Variants in TNIK observed in about 807,000 individuals in gnomAD.
TNIK encodes TRAF2 and NCK interacting kinase.
Under a neutral mutation model 191.3 loss-of-function variants are expected in TNIK, and 49 were observed. The ratio of observed to expected loss-of-function variants is 0.26; its 90% confidence interval spans 0.20 to 0.32. The LOEUF (loss-of-function observed/expected upper bound fraction) is 0.32. TNIK is among the 10% of genes least tolerant of loss of function. TNIK has a pLI of 1.00. For missense variants in TNIK, 1,155 were observed against 1,702.3 expected, an observed-to-expected ratio of 0.68 and a Z score of 5.66; for synonymous variants, 594 against 600.9, an observed-to-expected ratio of 0.99 and a Z score of 0.17.
intron 2 of TNIK, among the ~76,000 whole-genome samples, chr3:171,297,590 T>C (rs1752441676): frequency 6.6e-6 from 1 of 152,232 alleles, no homozygotes; most frequent in Admixed American, 6.5e-5. Flanking sequence ...AAAATATTGA[T>C]GTCTCTTTTA....
At chr3:171,415,973 C>CAAAAAAAAAAAAAAAAA (rs769531813) in intron 1 of TNIK, among the ~76,000 whole-genome samples, 7 of 12,540 alleles carry the variant, frequency 5.6e-4, no homozygotes, top group East Asian at 2.6e-3. Context: ...GAGACTGTCT[C>CAAAAAAAAAAAAAAAAA]AAAAAAAAAA....
intron 2 of TNIK, among the ~76,000 whole-genome samples, chr3:171,260,202 T>C (rs1468281004): frequency 6.6e-6 from 1 of 152,124 alleles, no homozygotes; most frequent in Non-Finnish European, 1.5e-5. Context: ...TGAAGTTTCC[T>C]CTTAGTAGGT....
chr3:171,198,842 G>A (rs1288312541), intron 4 of TNIK, among the ~76,000 whole-genome samples: 1 of 152,166 alleles, frequency 6.6e-6, no homozygotes, highest in African/African-American at 2.4e-5. Flanking sequence ...ATTTTCCCGA[G>A]TGAGCAAAAC....
chr3:171,452,291 A>G (rs1393044537), intron 1 of TNIK, among the ~76,000 whole-genome samples: 4 of 152,198 alleles, frequency 2.6e-5, no homozygotes, highest in Admixed American at 2.6e-4. Flanking sequence ...TGAGGTGCAC[A>G]GTTTGCAATC....
At chr3:171,141,626 G>A (rs1365394346) in intron 12 of TNIK, among the ~76,000 whole-genome samples, 1 of 152,122 alleles carries the variant, frequency 6.6e-6, no homozygotes, top group Admixed American at 6.5e-5. Flanking sequence ...AGCATGACTG[G>A]CATTTACCAT....
intron 25 of TNIK, among the ~76,000 whole-genome samples, chr3:171,084,685 A>T (rs552419063): frequency 2.0e-5 from 3 of 152,228 alleles, no homozygotes; most frequent in African/African-American, 7.2e-5. Flanking sequence ...ATGATTAATT[A>T]CTTGAAGAAG....
chr3:171,193,215 T>TTA (rs1176381411), intron 5 of TNIK, among the ~76,000 whole-genome samples: 7 of 152,360 alleles, frequency 4.6e-5, no homozygotes, highest in African/African-American at 1.7e-4. Flanking sequence ...ATTAGTAGCT[T>TTA]TATAATAAAT....
chr3:171,427,310 T>C, intron 1 of TNIK, among the ~76,000 whole-genome samples: 1 of 152,200 alleles, frequency 6.6e-6, no homozygotes, highest in Non-Finnish European at 1.5e-5. Context: ...ACATTCTCCT[T>C]TCCATCTCAG....
intron 21 of TNIK, among the ~76,000 whole-genome samples, chr3:171,105,884 A>G (rs948236315): frequency 1.3e-5 from 2 of 152,176 alleles, no homozygotes; most frequent in East Asian, 1.9e-4. Flanking sequence ...GAAAACTGAC[A>G]AAAGTTGTGA....
intron 4 of TNIK, among the ~76,000 whole-genome samples, chr3:171,208,838 G>A (rs1031398864): frequency 4.6e-5 from 7 of 152,102 alleles, no homozygotes; most frequent in African/African-American, 1.4e-4. Flanking sequence ...GGGATTACAG[G>A]CGTGAGCCAC....
rs1400072603 is a variant in TNIK, at chr3:171,128,802, G to T, written c.1685C>A (p.Pro562His). The change falls in exon 16 of 33, where the codon CCC (proline) becomes CAC (histidine). Residue 562 changes from proline to histidine, a missense_variant. By Grantham distance (77) the Pro-to-His change is moderately conservative. Coordinates refer to ENST00000436636, the MANE Select transcript of TNIK (RefSeq NM_015028.4). ...GGACTCCGACCTTGGGGGCAGGTTG[G>T]GGTCAGATATCCTGTTGGCAACCTT... ...PHKVANRISD[P>H]NLPPRSESFS... 2.5e-6 allele frequency: 4 copies of T among 1,608,214 alleles called. No homozygotes were observed. Among genetic ancestry groups the T allele is most frequent in the East Asian group, 2.2e-5 (1 of 44,724 alleles).
intron 2 of TNIK, among the ~76,000 whole-genome samples, chr3:171,279,054 A>G (rs949526634): frequency 6.6e-6 from 1 of 152,198 alleles, no homozygotes; most frequent in African/African-American, 2.4e-5. Context: ...GTCTTCTAGC[A>G]GGATTTCCTA....
chr3:171,355,807 C>T lies in TNIK; in HGVS notation c.123+13813G>A, dbSNP rs967213553. Reference sequence around the variant, plus strand: ...GCAAATTATCCAAGAGATTACATCTCGGTATTGTAGCCAGGTCATCCTCCT... The same window carrying T: ...GCAAATTATCCAAGAGATTACATCTTGGTATTGTAGCCAGGTCATCCTCCT... On this transcript the variant is annotated intron_variant, in intron 2 of 32. Transcript: ENST00000436636. Among the ~76,000 whole-genome samples the T allele has an allele frequency of 8.2e-4, 125 of 152,178 alleles. 3 individuals are homozygous for T. Among genetic ancestry groups the T allele is most frequent in the Admixed American group, 8.1e-3 (123 of 15,274 alleles).
chr3:171,066,403 C>T (rs775663175), intron 31 of TNIK, 77 bp from the exon 32 acceptor site: 8 of 1,588,466 alleles, frequency 5.0e-6, no homozygotes, highest in Non-Finnish European at 6.9e-6. Flanking sequence ...CACATCTTAA[C>T]CACAAAAATG....
At chr3:171,321,685 G>A (rs1183306530) in intron 2 of TNIK, among the ~76,000 whole-genome samples, 1 of 152,106 alleles carries the variant, frequency 6.6e-6, no homozygotes, top group Non-Finnish European at 1.5e-5. Context: ...TATGTTACAG[G>A]CAGACAAAAA....
chr3:171,273,379 T>G (rs1260461595), intron 2 of TNIK, among the ~76,000 whole-genome samples: 1 of 152,184 alleles, frequency 6.6e-6, no homozygotes, highest in Non-Finnish European at 1.5e-5. Context: ...TTGTGCTTAC[T>G]TCCCTCTCTT....
intron 4 of TNIK, among the ~76,000 whole-genome samples, chr3:171,207,196 A>G (rs904162183): frequency 1.3e-5 from 2 of 152,124 alleles, no homozygotes; most frequent in African/African-American, 4.8e-5. Context: ...ATATATCCAG[A>G]GGTGGGGCTT....
intron 23 of TNIK, among the ~76,000 whole-genome samples, chr3:171,091,989 G>T (rs1409508367): frequency 6.8e-6 from 1 of 146,368 alleles, no homozygotes; most frequent in African/African-American, 2.5e-5. Flanking sequence ...TCGTTCTGTC[G>T]CCCAGGCTGG....
intron 18 of TNIK, among the ~76,000 whole-genome samples, chr3:171,119,083 TCAAA>T (rs1489265402): frequency 1.3e-5 from 2 of 151,896 alleles, no homozygotes; most frequent in African/African-American, 4.8e-5. Flanking sequence ...TACAAAGAAC[TCAAA>T]CAAATTTATA....
Sources: gnomAD v4.1 joint callset for allele counts (sites outside exome capture counted in the v4.1 genomes callset) on GRCh38, gnomAD v4.1.1 for gene constraint, MANE v1.5 for transcripts, NCBI Gene and HGNC (gene_info 2026-07-23, HGNC 2026-07-21) for gene names.